IGF2BP3: variants seen among roughly 807,000 people sequenced by gnomAD.
The protein encoded by IGF2BP3 is insulin like growth factor 2 mRNA binding protein 3, also known as insulin-like growth factor 2 mRNA-binding protein 3.
IGF2BP3 carries 9 observed loss-of-function variants against 73.8 expected under a neutral mutation model. The observed-to-expected ratio is 0.12, with a 90% confidence interval of 0.07 to 0.21. The LOEUF (loss-of-function observed/expected upper bound fraction) is 0.21. Among genes scored for constraint, IGF2BP3 ranks in the 10% least tolerant of loss-of-function variants. The probability of loss-of-function intolerance (pLI) is 1.00; values close to 1 mark genes in which losing one functional copy is unlikely to be tolerated. For synonymous variants in IGF2BP3, 258 were observed against 256.7 expected (o/e 1.01, Z -0.05); for missense variants, 542 against 714.0 (o/e 0.76, Z 2.75).
At chr7:23,396,725 T>C (rs202188887) in intron 3 of IGF2BP3, among the ~76,000 whole-genome samples, 10 of 152,162 alleles carry the variant, frequency 6.6e-5, no homozygotes, top group African/African-American at 1.9e-4. Context: ...AGCAAATGGA[T>C]TCTTGGCAAA....
At chr7:23,455,178 A>G (rs908562472) in intron 2 of IGF2BP3, among the ~76,000 whole-genome samples, 1 of 152,232 alleles carries the variant, frequency 6.6e-6, no homozygotes, top group Non-Finnish European at 1.5e-5. Flanking sequence ...CTTAGCTCCT[A>G]AAGTCAAACA....
intron 3 of IGF2BP3, among the ~76,000 whole-genome samples, chr7:23,369,935 C>T (rs1320852072): frequency 6.6e-6 from 1 of 152,182 alleles, no homozygotes; most frequent in Non-Finnish European, 1.5e-5. Context: ...CCTGGGCTAT[C>T]TGAACCAAGT....
chr7:23,342,487 A>T (rs947559357), intron 9 of IGF2BP3, among the ~76,000 whole-genome samples: 4 of 152,190 alleles, frequency 2.6e-5, no homozygotes, highest in African/African-American at 9.7e-5. Flanking sequence ...ACAAAACCGT[A>T]TTCTGCATGC....
chr7:23,381,686 G>A (rs1040532923), intron 3 of IGF2BP3, among the ~76,000 whole-genome samples: 4 of 151,708 alleles, frequency 2.6e-5, no homozygotes, highest in South Asian at 2.1e-4. Flanking sequence ...CTCCTGCCTC[G>A]GTCTCCTGAG....
At chr7:23,449,782 C>T (rs972139229) in intron 2 of IGF2BP3, among the ~76,000 whole-genome samples, 2 of 151,882 alleles carry the variant, frequency 1.3e-5, no homozygotes, top group East Asian at 2.0e-4. Context: ...AGGCTGGTCT[C>T]GAACTCCCGA....
intron 3 of IGF2BP3, chr7:23,414,244 A>G (rs149870296): frequency 6.6e-6 from 1 of 152,354 alleles, no homozygotes; most frequent in African/African-American, 2.4e-5. Context: ...ATCATCATCT[A>G]AAACTAAGTG....
intron 3 of IGF2BP3, among the ~76,000 whole-genome samples, chr7:23,399,554 G>C (rs1178446128): frequency 6.6e-6 from 1 of 152,078 alleles, no homozygotes; most frequent in African/African-American, 2.4e-5. Flanking sequence ...TTAACCCACA[G>C]AGACTGATTT....
chr7:23,418,135 A>C (rs548508415), intron 3 of IGF2BP3, among the ~76,000 whole-genome samples: 2 of 152,344 alleles, frequency 1.3e-5, no homozygotes, highest in Non-Finnish European at 2.9e-5. Flanking sequence ...TTAGAGATAC[A>C]TAAAAGCTAA....
At chr7:23,384,301 G>A (rs1388340904) in intron 3 of IGF2BP3, among the ~76,000 whole-genome samples, 1 of 151,998 alleles carries the variant, frequency 6.6e-6, no homozygotes, top group Non-Finnish European at 1.5e-5. Context: ...TAGGGGTTCA[G>A]TGGGGGGAAA....
At chr7:23,450,846 G>C (rs1396119366) in intron 2 of IGF2BP3, 1 of 152,190 alleles carries the variant, frequency 6.6e-6, no homozygotes, top group East Asian at 1.9e-4. Context: ...ATCAAGACCA[G>C]TCTGCACAAC....
chr7:23,424,211 T>C (rs778152759), intron 2 of IGF2BP3, among the ~76,000 whole-genome samples: 13 of 144,712 alleles, frequency 9.0e-5, no homozygotes, highest in Non-Finnish European at 2.0e-4. Context: ...AGATTAAAAA[T>C]TTAAAGGCCA....
chr7:23,425,978 C>A (rs1787498555), intron 2 of IGF2BP3, among the ~76,000 whole-genome samples: 1 of 150,036 alleles, frequency 6.7e-6, no homozygotes, highest in Non-Finnish European at 1.5e-5. Flanking sequence ...AAAAAACAAA[C>A]AAAAAAACCC....
chr7:23,468,601 G>A, intron 1 of IGF2BP3, 59 bp from the exon 2 acceptor site: 10 of 1,550,068 alleles, frequency 6.5e-6, no homozygotes, highest in Non-Finnish European at 8.0e-6. Context: ...CCTGCCCGAA[G>A]ACCCGCACAG....
chr7:23,465,501 A>G (rs773856533), intron 2 of IGF2BP3, among the ~76,000 whole-genome samples: 9 of 149,406 alleles, frequency 6.0e-5, no homozygotes, highest in Non-Finnish European at 1.0e-4. Context: ...ACCAAATTCA[A>G]CCTTACTACT....
At chr7:23,457,991 G>T (rs778927983) in intron 2 of IGF2BP3, among the ~76,000 whole-genome samples, 1 of 152,140 alleles carries the variant, frequency 6.6e-6, no homozygotes, top group Non-Finnish European at 1.5e-5. Context: ...AGAGAACAAA[G>T]ATCTTCCATG....
chr7:23,376,985 T>C (rs1417180482), intron 3 of IGF2BP3, among the ~76,000 whole-genome samples: 2 of 152,186 alleles, frequency 1.3e-5, no homozygotes, highest in African/African-American at 4.8e-5. Flanking sequence ...ACAGATATGT[T>C]CACAACTGTG....
Position 23,330,184 on chromosome 7 carries a change from G to A in IGF2BP3, c.1204-10930C>T, listed in dbSNP as rs1403341428. ...ACCTGTAATCCCAGCTACTCGAGAGGCTGAGGCAGGAGAATGGCTTGAACC... is the reference window on the plus strand; with the variant it reads ...ACCTGTAATCCCAGCTACTCGAGAGACTGAGGCAGGAGAATGGCTTGAACC... On this transcript the variant is annotated intron_variant, in intron 10 of 14. Transcript: ENST00000258729. 2.0e-5 allele frequency among the ~76,000 whole-genome samples: 3 copies of A among 152,010 alleles called. No homozygotes were observed. The East Asian group carries it at 5.8e-4, about 29-fold the overall frequency.
chr7:23,395,524 G>C (rs553549781), intron 3 of IGF2BP3, among the ~76,000 whole-genome samples: 1 of 152,164 alleles, frequency 6.6e-6, no homozygotes. Context: ...CACTTTGGGA[G>C]GCTGAGGTGG....
intron 2 of IGF2BP3, among the ~76,000 whole-genome samples, chr7:23,441,939 A>G (rs1787945734): frequency 6.6e-6 from 1 of 152,236 alleles, no homozygotes; most frequent in East Asian, 1.9e-4. Flanking sequence ...AGCCTGGCCA[A>G]CAAGGAGAAA....
Sources: gnomAD v4.1 joint callset for allele counts (sites outside exome capture counted in the v4.1 genomes callset) on GRCh38, gnomAD v4.1.1 for gene constraint, MANE v1.5 for transcripts, NCBI Gene and HGNC (gene_info 2026-07-23, HGNC 2026-07-21) for gene names.